The following BAZ2A variants were observed in gnomAD, a reference collection of about 807,000 sequenced individuals.
BAZ2A encodes bromodomain adjacent to zinc finger domain protein 2A.
Under a neutral mutation model 199.9 loss-of-function variants are expected in BAZ2A, and 34 were observed. The observed-to-expected ratio is 0.17, with a 90% confidence interval of 0.13 to 0.23. The LOEUF is 0.23. BAZ2A is among the 10% of genes least tolerant of loss of function. BAZ2A has a pLI of 1.00. For synonymous variants in BAZ2A, 857 were observed against 883.9 expected, an observed-to-expected ratio of 0.97 and a Z score of 0.54; for missense variants, 2,002 against 2,391.1, an observed-to-expected ratio of 0.84 and a Z score of 3.39.
At chr12:56,621,503 A>C (rs1284485050) in intron 1 of BAZ2A, among the ~76,000 whole-genome samples, 1 of 152,060 alleles carries the variant, frequency 6.6e-6, no homozygotes, top group Non-Finnish European at 1.5e-5. Context: ...TTCAAATCCC[A>C]ACTCTACTAT....
rs866935173 is a variant in BAZ2A, at chr12:56,625,603, C to T, written c.-3+4522G>A. Reference sequence around the variant, plus strand: ...AGGAAGACCATCTATCTTTTAAAAACTTCTTGGCTCACGCCTGTAATCCCA... The same window carrying T: ...AGGAAGACCATCTATCTTTTAAAAATTTCTTGGCTCACGCCTGTAATCCCA... On this transcript the variant is annotated intron_variant, in intron 1 of 28. Transcript: ENST00000549884. 2.0e-5 allele frequency among the ~76,000 whole-genome samples: 3 copies of T among 152,128 alleles called. No individual in the cohort carries two copies. The South Asian group carries it at 6.2e-4, about 32-fold the overall frequency.
intron 1 of BAZ2A, among the ~76,000 whole-genome samples, chr12:56,622,001 C>T (rs1950935474): frequency 6.6e-6 from 1 of 151,122 alleles, no homozygotes; most frequent in African/African-American, 2.4e-5. Flanking sequence ...ACATTAGCTA[C>T]TATTATTAGA....
upstream of BAZ2A, among the ~76,000 whole-genome samples, chr12:56,632,423 G>T (rs186911096): frequency 6.6e-6 from 1 of 152,266 alleles, no homozygotes; most frequent in Non-Finnish European, 1.5e-5. Flanking sequence ...AAGGGGGCCA[G>T]TCGGGGACTG....
chr12:56,631,050 C>T (rs1365228069), upstream of BAZ2A, among the ~76,000 whole-genome samples: 1 of 152,212 alleles, frequency 6.6e-6, no homozygotes, highest in Non-Finnish European at 1.5e-5. Context: ...TGTGTGAAAA[C>T]TCAGAAAAGT....
Position 56,615,438 on chromosome 12 carries a change from G to A in BAZ2A, c.306C>T (p.Gly102=), listed in dbSNP as rs764275104. Residue 102 remains glycine, a synonymous_variant, in exon 3 of 29, where the codon GGC becomes GGT. Coordinates refer to ENST00000549884, the MANE Select transcript of BAZ2A (RefSeq NM_001300905.2). ...GAAGGGGTGGGTCCTTGAGGTTGCT[G>A]CCAGGATTGGCAGATGGGTACTGTG... ...NYSQYPSANP[G]SNLKDPPLLS... is the part of the protein sequence containing the mutation. The A allele has an allele frequency of 1.2e-6, 2 of 1,613,338 alleles. No individual in the cohort carries two copies. The highest frequency in any genetic ancestry group is 1.7e-6 in the Non-Finnish European group (2 of 1,179,824).
upstream of BAZ2A, among the ~76,000 whole-genome samples, chr12:56,633,651 C>T (rs1246013610): frequency 6.6e-6 from 1 of 151,972 alleles, no homozygotes; most frequent in South Asian, 2.1e-4. Flanking sequence ...AAGTCTTCAC[C>T]CCCTCTACAA....
upstream of BAZ2A, chr12:56,638,289 C>G: frequency 6.4e-7 from 1 of 1,573,036 alleles, no homozygotes; most frequent in Non-Finnish European, 8.7e-7. Context: ...GGGTTAGGGG[C>G]AAGGAGAGAG....
At chr12:56,636,382 G>C (rs572586071), upstream of BAZ2A, 16 of 1,396,474 alleles carry the variant, frequency 1.1e-5, no homozygotes, top group Non-Finnish European at 1.5e-5. Flanking sequence ...GACAGACTGG[G>C]GTGGGGAGGG....
intron 10 of BAZ2A, among the ~76,000 whole-genome samples, chr12:56,607,682 A>G (rs949506581): frequency 4.6e-5 from 7 of 152,108 alleles, no homozygotes; most frequent in African/African-American, 1.7e-4. Flanking sequence ...TGACATGACA[A>G]TATTTATTAT....
At chr12:56,605,739 G>A in intron 13 of BAZ2A, 91 bp downstream of exon 13, 2 of 1,336,926 alleles carry the variant, frequency 1.5e-6, no homozygotes, top group Non-Finnish European at 2.0e-6. Flanking sequence ...ATCTTTAATG[G>A]AAATGTCTCT....
intron 1 of BAZ2A, among the ~76,000 whole-genome samples, chr12:56,619,492 G>C (rs1418398576): frequency 7.3e-6 from 1 of 136,288 alleles, no homozygotes; most frequent in African/African-American, 2.8e-5. Context: ...CTAGGTGACA[G>C]AGCATGACCC....
intron 1 of BAZ2A, among the ~76,000 whole-genome samples, chr12:56,623,785 C>T (rs185247649): frequency 9.9e-5 from 15 of 152,224 alleles, no homozygotes; most frequent in South Asian, 6.2e-4. Flanking sequence ...ATCTGGCCCA[C>T]GTTATCAATA....
chr12:56,598,741 T>C lies in BAZ2A; in HGVS notation c.5589A>G (p.Val1863=). ...CGTTGAAAGTCTGGCAGTTGTCAAA[T>C]ACCAGGAGGGCATCAGCCGCAAACT... ...SEEFAADALL[V]FDNCQTFNED... Residue 1863 remains valine, a synonymous_variant, in exon 29 of 29, where the codon GTA becomes GTG. Coordinates refer to ENST00000549884, the MANE Select transcript of BAZ2A (RefSeq NM_001300905.2). 3.1e-6 allele frequency: 5 copies of C among 1,613,152 alleles called. No homozygotes were observed. The highest frequency in any genetic ancestry group is 3.4e-6 in the Non-Finnish European group (4 of 1,179,558).
rs184495493 is a variant in BAZ2A at position 56,595,619 on chromosome 12, G to A, written c.*2999C>T. ...AAGTCTACGTCTTGGTGTCTTATCC[G>A]TGAGTGGGAAGTGGTAAGCTGGTGA... On this transcript the variant is annotated 3_prime_UTR_variant, in exon 29 of 29. Transcript: ENST00000549884. The A allele has an allele frequency of 3.0e-4, 46 of 150,896 alleles. No homozygotes were observed. The highest frequency in any genetic ancestry group is 1.0e-3 in the African/African-American group (41 of 41,036). 9.3% of individuals were successfully genotyped at this position (150,896 alleles called of 1,614,324 possible).
rs899236756 is a variant in BAZ2A at position 56,635,585 on chromosome 12, G to C, written c.4+597C>G. ...TCAGTGCCCTCAGTGACTGTAGTGT[G>C]GGGGCCATCAATAGCAGCCCTGGTG... On this transcript the variant is annotated intron_variant, in intron 1 of 29. Coordinates refer to the BAZ2A transcript ENST00000379441. This position sits in a 1 kb window ranked among gnomAD's most constrained non-coding sequence, Gnocchi z 4.1. Among the ~76,000 whole-genome samples, 3 of 152,154 alleles carry C rather than the reference G, an allele frequency of 2.0e-5. No individual in the cohort carries two copies. Among genetic ancestry groups the C allele is most frequent in the Admixed American group, 6.5e-5 (1 of 15,276 alleles).
chr12:56,615,262 T>A lies in BAZ2A; in HGVS notation c.482A>T (p.Asp161Val). The A allele has an allele frequency of 6.2e-7, 1 of 1,613,936 alleles. No homozygotes were observed. Among genetic ancestry groups the A allele is most frequent in the Non-Finnish European group, 8.5e-7 (1 of 1,179,876 alleles). The stretch of plus-strand genomic sequence containing the variant: ...AAAGGAATCATACAGTTCTTGTGAA[T>A]CAAAGTTAAGCCCCATGGGACTCTG... ...GTQSPMGLNFDSQELYDSFPD... is the reference protein window; with the variant it reads ...GTQSPMGLNFVSQELYDSFPD... Residue 161 changes from aspartate to valine, a missense_variant, in exon 3 of 29, where the codon GAT (aspartate) becomes GTT (valine). Physicochemically the swap from Asp to Val is radical, Grantham distance 152. This residue lies in a region of BAZ2A where 641 missense variants were observed against 694.5 expected (regional missense o/e 0.92). Transcript: ENST00000549884.
chr12:56,604,920 A>C, intron 14 of BAZ2A, 121 bp from the exon 15 acceptor site: 2 of 1,367,946 alleles, frequency 1.5e-6, no homozygotes, highest in Non-Finnish European at 2.0e-6. Flanking sequence ...ATACGAAAGA[A>C]GACCACAAAA....
Position 56,606,016 on chromosome 12 carries a change from T to G in BAZ2A, c.2307A>C (p.Lys769Asn), listed in dbSNP as rs774256803. 4.5e-6 allele frequency: 7 copies of G among 1,552,050 alleles called. No homozygotes were observed. Among genetic ancestry groups the G allele is most frequent in the Middle Eastern group, 1.7e-4 (1 of 5,994 alleles). Residue 769 changes from lysine to asparagine, a missense_variant, in exon 13 of 29, where the codon AAA (lysine) becomes AAC (asparagine). Physicochemically the swap from Lys to Asn is moderately conservative, Grantham distance 94 (BLOSUM62 0). Around this residue, in one of 6 missense-constraint regions of BAZ2A, gnomAD observed 1,081 missense variants for 1,274.7 expected, o/e 0.85. Coordinates refer to ENST00000549884, the MANE Select transcript of BAZ2A (RefSeq NM_001300905.2). ...CCTTCTCCTTCTTTTCCCTCTTGACTTTTTCCTTCAGTTTTTCCTGCTTTG... is the reference window on the plus strand; with the variant it reads ...CCTTCTCCTTCTTTTCCCTCTTGACGTTTTCCTTCAGTTTTTCCTGCTTTG... ...GKTKQEKLKEKVKREKKEKVK... is the reference protein window; with the variant it reads ...GKTKQEKLKENVKREKKEKVK...
chr12:56,604,465 C>A, intron 15 of BAZ2A, 120 bp downstream of exon 15: 1 of 1,348,392 alleles, frequency 7.4e-7, no homozygotes, highest in Non-Finnish European at 1.0e-6. Flanking sequence ...CCAAGTCATT[C>A]CAGCATCTTC....
Sources: allele counts gnomAD v4.1 joint callset (sites outside exome capture counted in the v4.1 genomes callset), GRCh38; gene constraint gnomAD v4.1.1; regional missense constraint gnomAD v4.1.1; non-coding constraint Gnocchi (gnomAD v3.1); transcripts MANE v1.5; gene names NCBI Gene and HGNC (gene_info 2026-07-23, HGNC 2026-07-21).